The following SYBU variants were observed in gnomAD, a reference collection of about 807,000 sequenced individuals.
The protein encoded by SYBU is GOLSYN A protein.
SYBU carries 21 observed loss-of-function variants against 35.9 expected under a neutral mutation model. The observed-to-expected ratio is 0.58, with a 90% CI of 0.41 to 0.84. The LOEUF (loss-of-function observed/expected upper bound fraction) is 0.84, where lower values mean the gene tolerates loss of function less well. Among genes scored for constraint, SYBU ranks in the 40% least tolerant of loss-of-function variants. SYBU has a pLI of 0.00. For missense variants in SYBU, 768 were observed against 848.2 expected (o/e 0.91, Z 1.17); for synonymous variants, 319 against 324.3 (o/e 0.98, Z 0.18).
intron 2 of SYBU, among the ~76,000 whole-genome samples, chr8:109,626,379 A>C (rs186362709): frequency 6.6e-6 from 1 of 152,352 alleles, no homozygotes; most frequent in Admixed American, 6.5e-5. Context: ...AATTAAATCT[A>C]TCTGGAATCC....
intron 1 of SYBU, among the ~76,000 whole-genome samples, chr8:109,687,224 A>T (rs1817539922): frequency 6.6e-6 from 1 of 152,202 alleles, no homozygotes; most frequent in Admixed American, 6.5e-5. Context: ...TTTAATACTG[A>T]TGAAAAACTA....
intron 3 of SYBU, among the ~76,000 whole-genome samples, chr8:109,607,735 C>A (rs922766934): frequency 6.6e-6 from 1 of 150,794 alleles, no homozygotes; most frequent in Non-Finnish European, 1.5e-5. Context: ...GTTATAAGAC[C>A]ATGCATTCAG....
chr8:109,681,112 A>T (rs1025416358), upstream of SYBU: 1 of 152,196 alleles, frequency 6.6e-6, no homozygotes, highest in African/African-American at 2.4e-5. Flanking sequence ...ATTAATGTTA[A>T]CCTGATCTCA....
chr8:109,656,482 T>G (rs1294048738), intron 1 of SYBU, among the ~76,000 whole-genome samples: 2 of 152,206 alleles, frequency 1.3e-5, no homozygotes, highest in Non-Finnish European at 2.9e-5. Flanking sequence ...TCTCTTTTAA[T>G]TATGTAATGT....
At chr8:109,657,485 T>C (rs72669146) in intron 1 of SYBU, among the ~76,000 whole-genome samples, 4 of 152,368 alleles carry the variant, frequency 2.6e-5, no homozygotes, top group Non-Finnish European at 5.9e-5. Context: ...TCTGTAGTTA[T>C]ATACTTCTGG....
At chr8:109,674,676 T>C (rs1259335928) in intron 1 of SYBU, among the ~76,000 whole-genome samples, 1 of 152,038 alleles carries the variant, frequency 6.6e-6, no homozygotes, top group Non-Finnish European at 1.5e-5. Flanking sequence ...GGACTTAGAC[T>C]CCCACACAAT....
rs1160619851 is a variant in SYBU at position 109,618,927 on chromosome 8, C to G, written c.342G>C (p.Lys114Asn). 5 of 1,614,078 alleles carry G rather than the reference C, an allele frequency of 3.1e-6. No homozygotes were observed. The Admixed American group carries it at 8.3e-5, about 27-fold the overall frequency. Residue 114 changes from lysine (K) to asparagine (N), a missense_variant, in exon 3 of 7, where the codon AAG becomes AAC. By Grantham distance (94) the Lys-to-Asn change is moderately conservative. Coordinates refer to ENST00000276646, the MANE Select transcript of SYBU (RefSeq NM_001099754.2). ...CPGSDEGFTR[K>N]KCTIGMVGEG... ...CACCAACCATTCCAATCGTGCATTT[C>G]TTTCTGGTGAAGCCTTCATCACTTC...
intron 3 of SYBU, among the ~76,000 whole-genome samples, chr8:109,594,500 T>C (rs1379455600): frequency 6.6e-6 from 1 of 152,108 alleles, no homozygotes; most frequent in Admixed American, 6.5e-5. Context: ...GGCCCTAAAA[T>C]AATTTTTTTT....
chr8:109,631,656 G>A (rs956594457), intron 2 of SYBU, among the ~76,000 whole-genome samples: 1 of 152,192 alleles, frequency 6.6e-6, no homozygotes. Context: ...AATATTTAAT[G>A]TAGAATGAGT....
chr8:109,624,601 C>T (rs1343206502), intron 2 of SYBU, among the ~76,000 whole-genome samples: 3 of 152,198 alleles, frequency 2.0e-5, no homozygotes, highest in African/African-American at 4.8e-5. Flanking sequence ...TTCTTCCCAT[C>T]GCCAACAGTG....
rs748682536 is a variant in SYBU, at chr8:109,619,029, G to T, written c.240C>A (p.Gly80=). The T allele has an allele frequency of 2.5e-6, 4 of 1,613,608 alleles. No individual in the cohort carries two copies. In the South Asian group the frequency reaches 3.3e-5, roughly 13 times the overall value. Residue 80 remains glycine, a synonymous_variant, in exon 3 of 7, where the codon GGC becomes GGA. Coordinates refer to ENST00000276646, the MANE Select transcript of SYBU (RefSeq NM_001099754.2). ...SSNSFCSDDT[G]CPSSQSVSPV... Reference sequence around the variant, plus strand: ...GAGACACTGACTGGCTGCTAGGACAGCCTGTGTCATCTAGAAGACAGGAAT... The same window carrying T: ...GAGACACTGACTGGCTGCTAGGACATCCTGTGTCATCTAGAAGACAGGAAT...
Position 109,691,231 on chromosome 8 carries a change from C to T in SYBU, c.-58+102G>A. ...CATTGGAAAGGGTGGTCCTGGGGTC[C>T]GGAGCGCCCCATCACTGCCCTCATT... On this transcript the variant is annotated intron_variant, in intron 1 of 7. Transcript: ENST00000422135. This position sits in a 1 kb window ranked among gnomAD's most constrained non-coding sequence, Gnocchi z 4.7. The T allele has an allele frequency of 1.5e-6, 1 of 674,942 alleles. No individual in the cohort carries two copies. Among genetic ancestry groups the T allele is most frequent in the South Asian group, 1.6e-5 (1 of 63,768 alleles). 41.8% of individuals were successfully genotyped at this position (674,942 alleles called of 1,614,324 possible).
At chr8:109,606,339 A>G (rs1406329681) in intron 3 of SYBU, among the ~76,000 whole-genome samples, 1 of 152,198 alleles carries the variant, frequency 6.6e-6, no homozygotes, top group Non-Finnish European at 1.5e-5. Context: ...TGTATGCCAT[A>G]TGCCATTGAT....
intron 6 of SYBU, 29 bp from the exon 7 acceptor site, chr8:109,576,042 TAA>T (rs71305959): frequency 0.11 from 94,692 of 825,136 alleles, 705 homozygotes; most frequent in East Asian, 0.21. Context: ...CATGGTTAAT[TAA>T]AAAAAAAAAA....
intron 1 of SYBU, among the ~76,000 whole-genome samples, chr8:109,686,857 C>A (rs1259266081): frequency 6.6e-6 from 1 of 152,128 alleles, no homozygotes; most frequent in African/African-American, 2.4e-5. Flanking sequence ...TTTCTTACTT[C>A]TTTCTCTTTC....
intron 1 of SYBU, chr8:109,643,170 CACA>C: frequency 8.9e-7 from 1 of 1,122,488 alleles, no homozygotes; most frequent in Non-Finnish European, 1.1e-6. Flanking sequence ...CACACACACA[CACA>C]TATACACACC....
chr8:109,610,174 C>T (rs1331872709), intron 3 of SYBU, among the ~76,000 whole-genome samples: 2 of 152,132 alleles, frequency 1.3e-5, no homozygotes, highest in African/African-American at 2.4e-5. Context: ...CCCTGACTAT[C>T]CCCCATCACT....
At chr8:109,658,728 C>A (rs1168059001) in intron 1 of SYBU, among the ~76,000 whole-genome samples, 1 of 152,126 alleles carries the variant, frequency 6.6e-6, no homozygotes, top group East Asian at 1.9e-4. Flanking sequence ...CCAAGGTGGG[C>A]AGATCACCTG....
chr8:109,673,889 A>G (rs985518105), intron 1 of SYBU, among the ~76,000 whole-genome samples: 1 of 152,220 alleles, frequency 6.6e-6, no homozygotes, highest in Non-Finnish European at 1.5e-5. Flanking sequence ...TGAAGCATAC[A>G]CAAGTATCAA....
Sources: allele counts gnomAD v4.1 joint callset (sites outside exome capture counted in the v4.1 genomes callset), GRCh38; gene constraint gnomAD v4.1.1; non-coding constraint Gnocchi (gnomAD v3.1); transcripts MANE v1.5; gene names NCBI Gene and HGNC (gene_info 2026-07-23, HGNC 2026-07-21).